TRERF1: variants seen among roughly 807,000 people sequenced by gnomAD.
The protein encoded by TRERF1 is transcriptional regulating factor 1.
A neutral mutation model predicts 122.9 loss-of-function variants in TRERF1; 27 were observed. The observed-to-expected ratio is 0.22, with a 90% confidence interval of 0.16 to 0.30. The LOEUF (loss-of-function observed/expected upper bound fraction) is 0.30. TRERF1 is among the 10% of genes least tolerant of loss of function. The pLI is 1.00. For missense variants in TRERF1, 1,248 were observed against 1,560.3 expected (o/e 0.80, Z 3.37); for synonymous variants, 636 against 641.7 (o/e 0.99, Z 0.13).
At position 42,368,459 on chromosome 6, in the gene TRERF1, ATGGT is replaced by A. The variant is rs1358088361; in HGVS notation, c.-453-5384_-453-5381del. Among the ~76,000 whole-genome samples the A allele has an allele frequency of 1.1e-3, 171 of 152,322 alleles. 1 individual carries two copies. The highest frequency in any genetic ancestry group is 0.01 in the Middle Eastern group (3 of 294). On this transcript the variant is annotated intron_variant, in intron 2 of 17. Transcript: ENST00000372922. ...GGAAGAGACAAAACCAAGAACTTCAATGGTAAAGATAAAACAGCAAGCACCAAGA... is the reference window on the plus strand; with the variant it reads ...GGAAGAGACAAAACCAAGAACTTCAAAAAGATAAAACAGCAAGCACCAAGA...
chr6:42,366,797 G>T (rs1368016183), intron 2 of TRERF1, among the ~76,000 whole-genome samples: 2 of 152,160 alleles, frequency 1.3e-5, no homozygotes, highest in African/African-American at 4.8e-5. Context: ...ACAATTCTGG[G>T]ATTCCCAGAG....
intron 2 of TRERF1, among the ~76,000 whole-genome samples, chr6:42,370,913 G>A (rs186079739): frequency 1.6e-4 from 25 of 152,184 alleles, no homozygotes; most frequent in African/African-American, 2.4e-4. Context: ...CCTGGTTTTC[G>A]CTGTTTTCCT....
In TRERF1 at chr6:42,235,175, A is replaced by G. The variant is rs574479027; in HGVS notation, c.3066+1030T>C. Among the ~76,000 whole-genome samples, 49 of 152,082 alleles carry G rather than the reference A, an allele frequency of 3.2e-4. 1 individual carries two copies. The highest frequency in any genetic ancestry group is 1.2e-3 in the African/African-American group (49 of 41,456). On this transcript the variant is annotated intron_variant, in intron 16 of 17. Transcript: ENST00000372922. ...TATTTTAAAGACTGTTGCTTTCTCCATCTAAGTGACAGGTAAGCAGCATTC... is the reference window on the plus strand; with the variant it reads ...TATTTTAAAGACTGTTGCTTTCTCCGTCTAAGTGACAGGTAAGCAGCATTC...
At chr6:42,414,682 A>G (rs1197083269) in intron 2 of TRERF1, among the ~76,000 whole-genome samples, 2 of 152,226 alleles carry the variant, frequency 1.3e-5, no homozygotes, top group Non-Finnish European at 2.9e-5. Context: ...ACAAAAGCTC[A>G]CCAATTATTC....
chr6:42,244,776 T>A (rs1465268017), intron 14 of TRERF1, among the ~76,000 whole-genome samples: 2 of 152,266 alleles, frequency 1.3e-5, no homozygotes, highest in African/African-American at 4.8e-5. Flanking sequence ...AAAGTTATGA[T>A]GACAGAGCTT....
Position 42,249,175 on chromosome 6 carries a change from T to C in TRERF1, c.2657-2631A>G, listed in dbSNP as rs376648855. Among the ~76,000 whole-genome samples, 54 of 152,278 alleles carry C rather than the reference T, an allele frequency of 3.5e-4. No homozygotes were observed. The South Asian group carries it at 0.011, about 30-fold the overall frequency. On this transcript the variant is annotated intron_variant, in intron 13 of 17. Coordinates refer to ENST00000372922, the Ensembl canonical transcript of TRERF1. ...GTGTGGCCCTCAGCTGCATCTCCGA[T>C]GGGGAATCAGGGGACATTTTGCTGA...
At chr6:42,438,558 C>T (rs574356196) in intron 2 of TRERF1, among the ~76,000 whole-genome samples, 5 of 149,794 alleles carry the variant, frequency 3.3e-5, no homozygotes, top group African/African-American at 9.8e-5. Flanking sequence ...TGCAGTCAGC[C>T]GAGATCACAC....
At chr6:42,371,859 G>A (rs530747749) in intron 2 of TRERF1, among the ~76,000 whole-genome samples, 1 of 152,258 alleles carries the variant, frequency 6.6e-6, no homozygotes. Context: ...GTTTAAGTAG[G>A]AGGTATGTGC....
At chr6:42,291,504 T>C (rs1389934634) in intron 4 of TRERF1, among the ~76,000 whole-genome samples, 1 of 151,362 alleles carries the variant, frequency 6.6e-6, no homozygotes, top group Non-Finnish European at 1.5e-5. Flanking sequence ...TCTGGACAAG[T>C]TTTTTGTTTT....
At chr6:42,345,773 T>A (rs555447971) in intron 3 of TRERF1, among the ~76,000 whole-genome samples, 16 of 152,244 alleles carry the variant, frequency 1.1e-4, no homozygotes, top group Non-Finnish European at 2.4e-4. Flanking sequence ...ATCCTAGGCC[T>A]GGCTTGGGGC....
At chr6:42,299,663 G>A (rs1278376089) in intron 4 of TRERF1, among the ~76,000 whole-genome samples, 1 of 152,142 alleles carries the variant, frequency 6.6e-6, no homozygotes, top group African/African-American at 2.4e-5. Flanking sequence ...ATTTAAAGAT[G>A]TTTTTTGAAG....
chr6:42,434,764 C>G (rs1230752265), intron 2 of TRERF1, among the ~76,000 whole-genome samples: 2 of 151,018 alleles, frequency 1.3e-5, no homozygotes, highest in Non-Finnish European at 2.9e-5. Context: ...GAGAAGCATG[C>G]TTATATGGAA....
intron 2 of TRERF1, among the ~76,000 whole-genome samples, chr6:42,429,916 C>A (rs964929755): frequency 6.6e-6 from 1 of 152,066 alleles, no homozygotes; most frequent in African/African-American, 2.4e-5. Flanking sequence ...GTGAGGAAAG[C>A]CCTGTTGAGA....
At chr6:42,383,645 C>T (rs1386655045) in intron 2 of TRERF1, among the ~76,000 whole-genome samples, 1 of 152,138 alleles carries the variant, frequency 6.6e-6, no homozygotes, top group Non-Finnish European at 1.5e-5. Context: ...AGAAAATGGA[C>T]TCGTTTTCAT....
chr6:42,368,574 C>T (rs562531982), intron 2 of TRERF1, among the ~76,000 whole-genome samples: 1 of 152,194 alleles, frequency 6.6e-6, no homozygotes, highest in Non-Finnish European at 1.5e-5. Flanking sequence ...TTACGGTATA[C>T]ACAATTCTTC....
chr6:42,238,870 C>CACACACACACAA (rs1554124320), intron 15 of TRERF1, among the ~76,000 whole-genome samples: 132 of 148,992 alleles, frequency 8.9e-4, no homozygotes, highest in Middle Eastern at 3.4e-3. Context: ...CACACACACA[C>CACACACACACAA]AATTTCTAGT....
chr6:42,429,802 C>T (rs1045989334), intron 2 of TRERF1, among the ~76,000 whole-genome samples: 38 of 152,122 alleles, frequency 2.5e-4, no homozygotes, highest in Admixed American at 1.7e-3. Flanking sequence ...AAGCAAACTA[C>T]AGAGGACGGG....
intron 2 of TRERF1, among the ~76,000 whole-genome samples, chr6:42,382,056 G>A (rs1776028638): frequency 6.6e-6 from 1 of 151,708 alleles, no homozygotes; most frequent in East Asian, 1.9e-4. Flanking sequence ...TTACAGACAA[G>A]GCAACTGAGG....
At chr6:42,428,485 C>T (rs145984009) in intron 2 of TRERF1, among the ~76,000 whole-genome samples, 1 of 152,116 alleles carries the variant, frequency 6.6e-6, no homozygotes, top group African/African-American at 2.4e-5. Flanking sequence ...GGAGGGGGTG[C>T]GAGAGGGTGA....
Sources: gnomAD v4.1 joint callset for allele counts (sites outside exome capture counted in the v4.1 genomes callset) on GRCh38, gnomAD v4.1.1 for gene constraint, MANE v1.5 for transcripts, NCBI Gene and HGNC (gene_info 2026-07-23, HGNC 2026-07-21) for gene names.